The following CPLX2 variants were observed in gnomAD, a reference collection of about 807,000 sequenced individuals.
The protein encoded by CPLX2 is complexin-2.
In CPLX2, 5 loss-of-function variants were observed where a neutral mutation model predicts 16.3. That is an observed-to-expected ratio of 0.31 (90% CI 0.16 to 0.64). The LOEUF (loss-of-function observed/expected upper bound fraction) is 0.64, where lower values mean the gene tolerates loss of function less well. Ranked by LOEUF, CPLX2 falls within the 30% of genes least tolerant of loss-of-function variation. The pLI, the probability that CPLX2 is intolerant of heterozygous loss-of-function variation, is 0.79. For synonymous variants in CPLX2, 89 were observed against 73.2 expected (o/e 1.22, Z -1.10); for missense variants, 144 against 181.4 (o/e 0.79, Z 1.18).
At chr5:175,869,281 G>A (rs562137754), upstream of CPLX2, among the ~76,000 whole-genome samples, 7 of 152,340 alleles carry the variant, frequency 4.6e-5, no homozygotes, top group South Asian at 1.4e-3. Flanking sequence ...CACAGTTCAT[G>A]TCAGCTTAGG....
chr5:175,807,420 C>T (rs1758228594), intron 1 of CPLX2, among the ~76,000 whole-genome samples: 1 of 152,222 alleles, frequency 6.6e-6, no homozygotes, highest in Non-Finnish European at 1.5e-5. Context: ...TGTCCCTGCA[C>T]ACAGGTGGCC....
chr5:175,883,592 A>G lies in CPLX2; in HGVS notation c.*3547A>G, dbSNP rs1292096133. On this transcript the variant is annotated 3_prime_UTR_variant, in exon 4 of 4. Transcript: ENST00000393745. ...CCCACCCCTGCTGTCCACCTGCTCCATCCTCTAGGGTTCCACAGGCCCCTG... is the reference window on the plus strand; with the variant it reads ...CCCACCCCTGCTGTCCACCTGCTCCGTCCTCTAGGGTTCCACAGGCCCCTG... 1.3e-5 allele frequency: 2 copies of G among 152,290 alleles called. No individual in the cohort carries two copies. The highest frequency in any genetic ancestry group is 3.9e-4 in the East Asian group (2 of 5,186). The allele number at this position is 152,290 out of a possible 1,614,324, so 9.4% of individuals were successfully genotyped here. A position where few individuals can be genotyped will look rare whatever the true frequency, so the allele number is the denominator to read the frequency against.
At chr5:175,848,272 C>A (rs1759088184) in intron 2 of CPLX2, among the ~76,000 whole-genome samples, 1 of 152,120 alleles carries the variant, frequency 6.6e-6, no homozygotes. Flanking sequence ...TGATGAAAGG[C>A]CCCAAAAAGG....
rs1178814935 is a variant in CPLX2, at chr5:175,879,618, G to T, written c.208-230G>T. 3 of 667,838 alleles carry T rather than the reference G, an allele frequency of 4.5e-6. No homozygotes were observed. In the African/African-American group the frequency reaches 5.3e-5, roughly 12 times the overall value. 41.4% of individuals were successfully genotyped at this position (667,838 alleles called of 1,614,324 possible). A position where few individuals can be genotyped will look rare whatever the true frequency, so the allele number is the denominator to read the frequency against. ...TTTGGGGGTTTCAACACAGCAGGAA[G>T]TTCTGATGGGCAGGTGTTAATTTTA... On this transcript the variant is annotated intron_variant, in intron 3 of 3. Coordinates refer to ENST00000393745, the MANE Select transcript of CPLX2 (RefSeq NM_001008220.2).
intron 2 of CPLX2, among the ~76,000 whole-genome samples, chr5:175,838,236 G>A (rs900199327): frequency 2.0e-5 from 3 of 151,098 alleles, no homozygotes; most frequent in African/African-American, 7.3e-5. Context: ...ATGGAGGGCA[G>A]CTGTAGCTAG....
At chr5:175,836,031 G>A (rs571566531) in intron 2 of CPLX2, among the ~76,000 whole-genome samples, 2 of 152,012 alleles carry the variant, frequency 1.3e-5, no homozygotes, top group African/African-American at 2.4e-5. Context: ...GAGTCACCGC[G>A]CCCAGCCGCA....
intron 2 of CPLX2, among the ~76,000 whole-genome samples, chr5:175,826,955 G>A (rs966009259): frequency 1.3e-5 from 2 of 152,176 alleles, no homozygotes; most frequent in Non-Finnish European, 1.5e-5. Flanking sequence ...CACGCAGCTC[G>A]AATGAGGAGA....
chr5:175,820,486 C>T (rs1029211056), intron 2 of CPLX2, among the ~76,000 whole-genome samples: 3 of 152,172 alleles, frequency 2.0e-5, no homozygotes, highest in African/African-American at 7.2e-5. Context: ...CATTCCCTCC[C>T]GCATCACCTT....
intron 1 of CPLX2, among the ~76,000 whole-genome samples, chr5:175,876,740 C>T (rs975865070): frequency 2.6e-5 from 4 of 152,194 alleles, no homozygotes; most frequent in Admixed American, 1.3e-4. Flanking sequence ...CTCCCACTGC[C>T]ACCTGGTAAT....
chr5:175,836,071 C>G (rs1758827600), intron 2 of CPLX2, among the ~76,000 whole-genome samples: 1 of 152,158 alleles, frequency 6.6e-6, no homozygotes, highest in Non-Finnish European at 1.5e-5. Flanking sequence ...ACTGACTAGG[C>G]CAGGCGCGGT....
At chr5:175,867,384 G>A (rs1347918449), upstream of CPLX2, among the ~76,000 whole-genome samples, 1 of 151,996 alleles carries the variant, frequency 6.6e-6, no homozygotes, top group Non-Finnish European at 1.5e-5. Flanking sequence ...CATACTGATG[G>A]TAACACCCTA....
rs1179536688 is a variant in CPLX2, at chr5:175,882,495, G to T, written c.*2450G>T. On this transcript the variant is annotated 3_prime_UTR_variant, in exon 4 of 4. Transcript: ENST00000393745. Reference sequence around the variant, plus strand: ...TGCTTCAGATGAGCAAGAGAACCCAGTCGAACCAGATACCCCAGGTGGGCC... The same window carrying T: ...TGCTTCAGATGAGCAAGAGAACCCATTCGAACCAGATACCCCAGGTGGGCC... 6.5e-6 allele frequency: 1 copy of T among 152,916 alleles called. No homozygotes were observed. The highest frequency in any genetic ancestry group is 1.5e-5 in the Non-Finnish European group (1 of 68,268). 9.5% of individuals were successfully genotyped at this position (152,916 alleles called of 1,614,324 possible). A position where few individuals can be genotyped will look rare whatever the true frequency, so the allele number is the denominator to read the frequency against.
intron 2 of CPLX2, among the ~76,000 whole-genome samples, chr5:175,831,767 G>A (rs969068245): frequency 1.3e-5 from 2 of 152,196 alleles, no homozygotes; most frequent in African/African-American, 2.4e-5. Context: ...CATGCCTAAC[G>A]GAGGCATGCA....
chr5:175,861,748 G>T (rs1406356025), intron 2 of CPLX2: 1 of 152,250 alleles, frequency 6.6e-6, no homozygotes, highest in Non-Finnish European at 1.5e-5. Flanking sequence ...GCTTTGTTCA[G>T]CTCTCACTGG....
At chr5:175,820,046 G>C (rs911897488) in intron 2 of CPLX2, among the ~76,000 whole-genome samples, 2 of 152,174 alleles carry the variant, frequency 1.3e-5, no homozygotes, top group Admixed American at 6.5e-5. Flanking sequence ...ACAGAGGTCA[G>C]CAGCCATCTG....
At chr5:175,807,124 T>C (rs1292062875) in intron 1 of CPLX2, among the ~76,000 whole-genome samples, 1 of 152,182 alleles carries the variant, frequency 6.6e-6, no homozygotes, top group African/African-American at 2.4e-5. Flanking sequence ...GCCCCTCGCC[T>C]GCACAGGAGA....
chr5:175,819,888 T>C (rs746471621), intron 2 of CPLX2, among the ~76,000 whole-genome samples: 5 of 152,150 alleles, frequency 3.3e-5, no homozygotes, highest in Non-Finnish European at 5.9e-5. Flanking sequence ...CAGGGAGGAA[T>C]AGAACAGAAG....
intron 1 of CPLX2, among the ~76,000 whole-genome samples, chr5:175,874,215 A>C (rs1253272153): frequency 6.6e-6 from 1 of 152,180 alleles, no homozygotes; most frequent in Admixed American, 6.5e-5. Context: ...GTTATGGATA[A>C]ATCCAGAATC....
At chr5:175,823,940 T>C (rs1394171074) in intron 2 of CPLX2, among the ~76,000 whole-genome samples, 3 of 152,180 alleles carry the variant, frequency 2.0e-5, no homozygotes, top group African/African-American at 7.2e-5. Context: ...TGAATAGGTA[T>C]TGAAATGCGC....
Sources: gnomAD v4.1 joint callset for allele counts (sites outside exome capture counted in the v4.1 genomes callset) on GRCh38, gnomAD v4.1.1 for gene constraint, MANE v1.5 for transcripts, NCBI Gene and HGNC (gene_info 2026-07-23, HGNC 2026-07-21) for gene names.